CRTC3: variants seen among roughly 807,000 people sequenced by gnomAD.
The protein encoded by CRTC3 is CREB-regulated transcription coactivator 3.
In CRTC3, 26 loss-of-function variants were observed where a neutral mutation model predicts 74.5. The ratio of observed to expected loss-of-function variants is 0.35; its 90% CI spans 0.26 to 0.48. The LOEUF (loss-of-function observed/expected upper bound fraction) is 0.48. CRTC3 is among the 20% of genes least tolerant of loss of function. CRTC3 has a pLI of 0.99. For synonymous variants in CRTC3, 377 were observed against 325.8 expected (o/e 1.16, Z -1.69); for missense variants, 760 against 787.3 (o/e 0.97, Z 0.41).
intron 13 of CRTC3, among the ~76,000 whole-genome samples, chr15:90,639,660 G>C (rs1969369198): frequency 2.0e-5 from 3 of 151,242 alleles, no homozygotes; most frequent in Admixed American, 2.0e-4. Flanking sequence ...TTGTTGACCA[G>C]GCTAATCTTG....
intron 2 of CRTC3, among the ~76,000 whole-genome samples, chr15:90,574,807 G>GT (rs1393757105): frequency 6.6e-6 from 1 of 152,066 alleles, no homozygotes; most frequent in Non-Finnish European, 1.5e-5. Flanking sequence ...AGTAACGTGT[G>GT]TTTTTTCCTG....
intron 2 of CRTC3, among the ~76,000 whole-genome samples, chr15:90,581,446 T>C (rs1453460547): frequency 6.6e-6 from 1 of 152,218 alleles, no homozygotes; most frequent in Admixed American, 6.5e-5. Flanking sequence ...CGTATGCTTA[T>C]TTTGTCCTTT....
Position 90,617,903 on chromosome 15 carries a change from T to C in CRTC3, c.634T>C (p.Leu212=), listed in dbSNP as rs764874770. Residue 212 remains leucine (L), a synonymous_variant, in exon 8 of 15, where the codon TTG becomes CTG. Transcript: ENST00000268184. ...TTTAGTAGCATCTTTCCCTGGCCCA[T>C]TGAAAGAAGAGAATCTGTTAAATGT... ...HGEVASFPGP[L]KEENLLNVPK... 20 of 1,611,976 alleles carry C rather than the reference T, an allele frequency of 1.2e-5. No homozygotes were observed. Among genetic ancestry groups the C allele is most frequent in the East Asian group, 2.2e-5 (1 of 44,864 alleles).
rs140049727 is a variant in CRTC3 at position 90,582,619 on chromosome 15, A to G, written c.232-11017A>G. Among the ~76,000 whole-genome samples the G allele has an allele frequency of 2.1e-3, 326 of 152,302 alleles. 3 individuals are homozygous for G. The highest frequency in any genetic ancestry group is 7.5e-3 in the African/African-American group (312 of 41,566). On this transcript the variant is annotated intron_variant, in intron 2 of 14. Coordinates refer to ENST00000268184, the MANE Select transcript of CRTC3 (RefSeq NM_022769.5). ...GTTTTTTAAATTATGTACATATAACACTGTATTGTTAATATTAAGTATACA... is the reference window on the plus strand; with the variant it reads ...GTTTTTTAAATTATGTACATATAACGCTGTATTGTTAATATTAAGTATACA...
intron 11 of CRTC3, among the ~76,000 whole-genome samples, chr15:90,630,388 C>T (rs1300865056): frequency 6.6e-6 from 1 of 152,164 alleles, no homozygotes; most frequent in African/African-American, 2.4e-5. Context: ...AGGATTATAT[C>T]TCTTATAAGG....
At chr15:90,635,085 G>C (rs1969183248) in intron 11 of CRTC3, 2 of 748,696 alleles carry the variant, frequency 2.7e-6, no homozygotes, top group African/African-American at 1.7e-5. Flanking sequence ...TTCCACTGAA[G>C]TTCTGAAATC....
intron 11 of CRTC3, among the ~76,000 whole-genome samples, chr15:90,637,419 G>T (rs1415801725): frequency 6.6e-6 from 1 of 152,180 alleles, no homozygotes; most frequent in African/African-American, 2.4e-5. Context: ...TGCGGGGAAG[G>T]GGGAGGGATA....
chr15:90,608,470 G>T (rs1300239860), intron 6 of CRTC3, among the ~76,000 whole-genome samples: 2 of 152,020 alleles, frequency 1.3e-5, no homozygotes, highest in African/African-American at 2.4e-5. Context: ...CTCACTCCTG[G>T]CCAGCACCCT....
At chr15:90,605,149 G>A (rs28565305) in intron 5 of CRTC3, among the ~76,000 whole-genome samples, 2,545 of 152,080 alleles carry the variant, frequency 0.017, 59 homozygotes, top group African/African-American at 0.057. Flanking sequence ...CTACTCAGGA[G>A]GCTGAGGTGG....
chr15:90,532,448 A>G (rs1309359975), intron 1 of CRTC3, among the ~76,000 whole-genome samples: 3 of 152,278 alleles, frequency 2.0e-5, no homozygotes, highest in Middle Eastern at 3.4e-3. Context: ...TTACTAGCCC[A>G]TGACAGACAT....
At chr15:90,571,814 A>G (rs895238476) in intron 2 of CRTC3, among the ~76,000 whole-genome samples, 2 of 152,062 alleles carry the variant, frequency 1.3e-5, no homozygotes, top group Non-Finnish European at 2.9e-5. Context: ...GTGTATATAC[A>G]TATTTTCTTT....
intron 2 of CRTC3, among the ~76,000 whole-genome samples, chr15:90,580,012 G>T (rs1461102571): frequency 6.6e-6 from 1 of 151,948 alleles, no homozygotes; most frequent in East Asian, 1.9e-4. Flanking sequence ...AACATCAGAA[G>T]AAATACAAAA....
intron 1 of CRTC3, among the ~76,000 whole-genome samples, chr15:90,535,132 A>T (rs1966696488): frequency 2.0e-5 from 3 of 150,754 alleles, no homozygotes; most frequent in Non-Finnish European, 4.4e-5. Flanking sequence ...TTGCACTCCA[A>T]CCTGGGCAAC....
intron 5 of CRTC3, among the ~76,000 whole-genome samples, chr15:90,607,125 C>T (rs749440738): frequency 5.9e-5 from 9 of 152,176 alleles, no homozygotes; most frequent in Non-Finnish European, 2.9e-5. Context: ...CCTTGTTGAA[C>T]TTGATCGCCA....
intron 2 of CRTC3, among the ~76,000 whole-genome samples, chr15:90,591,660 A>G (rs1262753603): frequency 6.6e-6 from 1 of 152,220 alleles, no homozygotes; most frequent in Non-Finnish European, 1.5e-5. Flanking sequence ...CTACAAAAAA[A>G]TAAAAATGTA....
chr15:90,629,536 A>C lies in CRTC3; in HGVS notation c.1266+4A>C. The stretch of plus-strand genomic sequence containing the variant: ...GGCCCCATATCCTACCTCCCAGGTA[A>C]ACACACACAGACAGACCAACCACTA... On this transcript the variant is annotated splice_donor_region_variant and intron_variant, in intron 11 of 14. Coordinates refer to ENST00000268184, the MANE Select transcript of CRTC3 (RefSeq NM_022769.5). 1 of 1,613,862 alleles carries C rather than the reference A, an allele frequency of 6.2e-7. No homozygotes were observed. The highest frequency in any genetic ancestry group is 2.2e-5 in the East Asian group (1 of 44,878).
intron 2 of CRTC3, among the ~76,000 whole-genome samples, chr15:90,576,868 TGGAGTTGAGGC>T (rs1967417367): frequency 5.0e-5 from 1 of 20,048 alleles, no homozygotes; most frequent in African/African-American, 1.2e-4. Context: ...GTTGAGGAAG[TGGAGTTGAGGC>T]AACTCCTTCA....
intron 2 of CRTC3, among the ~76,000 whole-genome samples, chr15:90,552,119 G>A (rs1483309934): frequency 2.0e-5 from 3 of 152,100 alleles, no homozygotes; most frequent in South Asian, 2.1e-4. Flanking sequence ...AATGTTTCCC[G>A]AGCGCCTGCT....
chr15:90,632,042 C>T (rs1969057601), intron 11 of CRTC3, among the ~76,000 whole-genome samples: 1 of 151,070 alleles, frequency 6.6e-6, no homozygotes, highest in Non-Finnish European at 1.5e-5. Context: ...CATAGGACTA[C>T]AGGTGTATAC....
Sources: allele counts gnomAD v4.1 joint callset (sites outside exome capture counted in the v4.1 genomes callset), GRCh38; gene constraint gnomAD v4.1.1; transcripts MANE v1.5; gene names NCBI Gene and HGNC (gene_info 2026-07-23, HGNC 2026-07-21).